The following TRPM6 variants were observed in gnomAD, a reference collection of about 807,000 sequenced individuals.
TRPM6 encodes transient receptor potential cation channel subfamily M member 6.
In TRPM6, 111 loss-of-function variants were observed where a neutral mutation model predicts 247.6. That is an observed-to-expected ratio of 0.45 (90% confidence interval 0.38 to 0.52). The LOEUF is 0.52. Among genes scored for constraint, TRPM6 ranks in the 20% least tolerant of loss-of-function variants. The probability of loss-of-function intolerance (pLI) is 0.00; values close to 1 mark genes in which losing one functional copy is unlikely to be tolerated. For synonymous variants in TRPM6, 892 were observed against 853.8 expected (o/e 1.04, Z -0.78); for missense variants, 2,126 against 2,421.5 (o/e 0.88, Z 2.56).
intron 1 of TRPM6, among the ~76,000 whole-genome samples, chr9:74,861,998 T>C (rs1027268130): frequency 6.6e-6 from 1 of 151,224 alleles, no homozygotes; most frequent in Admixed American, 6.6e-5. Flanking sequence ...CCATGTATAC[T>C]ATTTTCCCTC....
chr9:74,866,284 G>T (rs549866280), intron 1 of TRPM6, among the ~76,000 whole-genome samples: 2 of 152,234 alleles, frequency 1.3e-5, no homozygotes, highest in South Asian at 4.1e-4. Flanking sequence ...AGACACAACT[G>T]GATTTTGCTC....
At chr9:74,842,141 A>C in intron 4 of TRPM6, 25 bp downstream of exon 4, 1 of 1,613,296 alleles carries the variant, frequency 6.2e-7, no homozygotes, top group Non-Finnish European at 8.5e-7. Context: ...AGAAACCAGC[A>C]AAACAATTTG....
chr9:74,849,706 G>A (rs894596370), intron 3 of TRPM6, among the ~76,000 whole-genome samples: 1 of 152,206 alleles, frequency 6.6e-6, no homozygotes, highest in African/African-American at 2.4e-5. Context: ...CCAAAAACAA[G>A]AGCTGAAGTG....
intron 36 of TRPM6, chr9:74,737,514 T>C (rs897532542): frequency 1.1e-6 from 1 of 899,410 alleles, no homozygotes; most frequent in Non-Finnish European, 1.6e-6. Flanking sequence ...AAGATGGTTA[T>C]ACCCTCTACA....
chr9:74,749,895 A>C (rs576402698), intron 30 of TRPM6, among the ~76,000 whole-genome samples: 52 of 152,304 alleles, frequency 3.4e-4, no homozygotes, highest in African/African-American at 1.1e-3. Flanking sequence ...CTGCAAACTG[A>C]AAGTCACCTT....
chr9:74,743,089 T>C (rs1163276135), intron 32 of TRPM6, among the ~76,000 whole-genome samples: 1 of 152,216 alleles, frequency 6.6e-6, no homozygotes, highest in East Asian at 1.9e-4. Context: ...TGATCTGCAT[T>C]TTCCTGTTAA....
intron 11 of TRPM6, 128 bp from the exon 12 acceptor site, chr9:74,812,561 G>A (rs940321070): frequency 3.5e-6 from 3 of 862,166 alleles, no homozygotes; most frequent in African/African-American, 1.8e-5. Flanking sequence ...CCATCAGTGG[G>A]TACAGAAAAA....
At chr9:74,883,899 C>G (rs1475268659) in intron 1 of TRPM6, among the ~76,000 whole-genome samples, 1 of 152,118 alleles carries the variant, frequency 6.6e-6, no homozygotes, top group African/African-American at 2.4e-5. Flanking sequence ...CCTGTAATCC[C>G]AGCACTTTGG....
At chr9:74,748,217 A>G (rs1220974068) in intron 30 of TRPM6, among the ~76,000 whole-genome samples, 3 of 152,226 alleles carry the variant, frequency 2.0e-5, no homozygotes, top group Non-Finnish European at 4.4e-5. Flanking sequence ...GGTGTAAGTA[A>G]GCCTACTGTG....
chr9:74,878,876 T>C (rs940803949), intron 1 of TRPM6, among the ~76,000 whole-genome samples: 1 of 152,152 alleles, frequency 6.6e-6, no homozygotes, highest in African/African-American at 2.4e-5. Flanking sequence ...CTTAGTTACT[T>C]GAGAAGCTGA....
At chr9:74,856,372 C>T (rs1416849056) in intron 2 of TRPM6, among the ~76,000 whole-genome samples, 2 of 151,662 alleles carry the variant, frequency 1.3e-5, no homozygotes, top group East Asian at 3.9e-4. Flanking sequence ...TCCAGGAGGT[C>T]GAGGCTTCAG....
chr9:74,879,386 A>G (rs924857975), intron 1 of TRPM6, among the ~76,000 whole-genome samples: 1 of 151,738 alleles, frequency 6.6e-6, no homozygotes, highest in Middle Eastern at 3.2e-3. Context: ...TAAAGGAACC[A>G]TGGATATATA....
intron 5 of TRPM6, among the ~76,000 whole-genome samples, chr9:74,834,982 T>C (rs919204855): frequency 5.3e-5 from 8 of 152,192 alleles, no homozygotes; most frequent in African/African-American, 1.4e-4. Context: ...AAATGGTATT[T>C]CCAGTACTAG....
intron 1 of TRPM6, among the ~76,000 whole-genome samples, chr9:74,881,708 T>A (rs1169897029): frequency 6.6e-6 from 1 of 152,138 alleles, no homozygotes; most frequent in Non-Finnish European, 1.5e-5. Flanking sequence ...AACTAATTTT[T>A]AAAAATCAAA....
chr9:74,872,847 C>T (rs565086203), intron 1 of TRPM6, among the ~76,000 whole-genome samples: 1 of 152,230 alleles, frequency 6.6e-6, no homozygotes, highest in African/African-American at 2.4e-5. Context: ...TTAAAGTCAC[C>T]ATAAACTTTT....
chr9:74,729,419 C>G (rs1208305826), intron 37 of TRPM6, among the ~76,000 whole-genome samples: 1 of 152,208 alleles, frequency 6.6e-6, no homozygotes, highest in Non-Finnish European at 1.5e-5. Context: ...AGTAGCTGCT[C>G]TGAAGATGTG....
intron 7 of TRPM6, chr9:74,827,030 ACCCAGCCCCAAGGT>A (rs1221806212): frequency 6.6e-6 from 1 of 151,864 alleles, no homozygotes; most frequent in Non-Finnish European, 1.5e-5. Flanking sequence ...GAGCCACCAC[ACCCAGCCCCAAGGT>A]CCCTATTTCT....
intron 13 of TRPM6, among the ~76,000 whole-genome samples, chr9:74,810,431 T>C (rs553897496): frequency 6.6e-6 from 1 of 152,196 alleles, no homozygotes; most frequent in East Asian, 1.9e-4. Flanking sequence ...TCAAAAACAA[T>C]GGAAATCACA....
Position 74,724,059 on chromosome 9 carries a change from G to A in TRPM6, c.*554C>T, listed in dbSNP as rs1322028629. 1 of 155,506 alleles carries A rather than the reference G, an allele frequency of 6.4e-6. No homozygotes were observed. Among genetic ancestry groups the A allele is most frequent in the Non-Finnish European group, 1.4e-5 (1 of 70,304 alleles). 9.6% of individuals were successfully genotyped at this position (155,506 alleles called of 1,614,324 possible). A position where few individuals can be genotyped will look rare whatever the true frequency, so the allele number is the denominator to read the frequency against. ...CCAGTATACTTGGTAGTTTGTGCAG[G>A]AATGTGCTCCAATCTGTGCAAACCC... On this transcript the variant is annotated 3_prime_UTR_variant, in exon 39 of 39. Coordinates refer to ENST00000360774, the MANE Select transcript of TRPM6 (RefSeq NM_017662.5).
Sources: gnomAD v4.1 joint callset for allele counts (sites outside exome capture counted in the v4.1 genomes callset) on GRCh38, gnomAD v4.1.1 for gene constraint, MANE v1.5 for transcripts, NCBI Gene and HGNC (gene_info 2026-07-23, HGNC 2026-07-21) for gene names.